CLIC4: variants seen among roughly 807,000 people sequenced by gnomAD.
CLIC4 encodes the protein chloride intracellular channel protein 4.
CLIC4 carries 13 observed loss-of-function variants against 24.6 expected under a neutral mutation model. The observed-to-expected ratio is 0.53, with a 90% CI of 0.34 to 0.84. The LOEUF is 0.84. Among genes scored for constraint, CLIC4 ranks in the 40% least tolerant of loss-of-function variants. The pLI is 0.01. For synonymous variants in CLIC4, 104 were observed against 111.3 expected, an observed-to-expected ratio of 0.93 and a Z score of 0.41; for missense variants, 227 against 301.7, an observed-to-expected ratio of 0.75 and a Z score of 1.83.
At chr1:24,762,047 G>T (rs1466120476) in intron 1 of CLIC4, among the ~76,000 whole-genome samples, 1 of 152,122 alleles carries the variant, frequency 6.6e-6, no homozygotes, top group Admixed American at 6.6e-5. Context: ...AGTCTAGGCA[G>T]GGTAGAGATA....
At chr1:24,745,704 T>G (rs1638679942) in intron 1 of CLIC4, 79 bp downstream of exon 1, 8 of 1,184,664 alleles carry the variant, frequency 6.8e-6, no homozygotes, top group Non-Finnish European at 3.4e-6. Context: ...CCCGGGGCTC[T>G]CCTGAGGCGC....
intron 1 of CLIC4, among the ~76,000 whole-genome samples, chr1:24,770,080 T>TG (rs750164840): frequency 1.3e-5 from 2 of 152,098 alleles, no homozygotes; most frequent in Non-Finnish European, 2.9e-5. Flanking sequence ...AAGATGGTCT[T>TG]GAACTCCTGG....
intron 2 of CLIC4, among the ~76,000 whole-genome samples, chr1:24,810,050 G>C (rs1334004377): frequency 6.6e-6 from 1 of 152,024 alleles, no homozygotes; most frequent in Non-Finnish European, 1.5e-5. Context: ...CCTTTTTTCT[G>C]ATTTTCTTTG....
At chr1:24,776,120 A>G (rs1639138200) in intron 1 of CLIC4, among the ~76,000 whole-genome samples, 1 of 152,212 alleles carries the variant, frequency 6.6e-6, no homozygotes, top group Non-Finnish European at 1.5e-5. Context: ...TTCACGGATC[A>G]GCGAGAGATT....
chr1:24,826,318 A>G (rs1639786642), intron 3 of CLIC4, among the ~76,000 whole-genome samples: 2 of 152,180 alleles, frequency 1.3e-5, no homozygotes, highest in Non-Finnish European at 2.9e-5. Flanking sequence ...TCCCAGGTGT[A>G]GGTTTCAAGC....
At chr1:24,812,339 C>A (rs895682305) in intron 2 of CLIC4, among the ~76,000 whole-genome samples, 4 of 151,992 alleles carry the variant, frequency 2.6e-5, no homozygotes, top group Admixed American at 1.3e-4. Flanking sequence ...CAAGCCTGGA[C>A]TTCTAGAATA....
intron 1 of CLIC4, among the ~76,000 whole-genome samples, chr1:24,795,365 A>G (rs910428556): frequency 1.3e-5 from 2 of 152,028 alleles, no homozygotes; most frequent in Non-Finnish European, 2.9e-5. Flanking sequence ...AATGTGTACA[A>G]CAGGATATGG....
chr1:24,746,966 C>T (rs1638707389), intron 1 of CLIC4, among the ~76,000 whole-genome samples: 1 of 152,090 alleles, frequency 6.6e-6, no homozygotes, highest in East Asian at 1.9e-4. Context: ...CCAGCCTGGG[C>T]GACAGAGCAA....
intron 1 of CLIC4, among the ~76,000 whole-genome samples, chr1:24,773,998 AG>A (rs1210159306): frequency 6.6e-6 from 1 of 151,944 alleles, no homozygotes; most frequent in Non-Finnish European, 1.5e-5. Flanking sequence ...GTATAAATGG[AG>A]TCTCCCTCTG....
At chr1:24,748,499 GT>G (rs869153638) in intron 1 of CLIC4, among the ~76,000 whole-genome samples, 2,133 of 80,574 alleles carry the variant, frequency 0.026, 63 homozygotes, top group African/African-American at 0.097. Flanking sequence ...CAGGTTTTTT[GT>G]TTTTTTTTTT....
chr1:24,761,691 G>A (rs948118280), intron 1 of CLIC4, among the ~76,000 whole-genome samples: 1 of 152,166 alleles, frequency 6.6e-6, no homozygotes, highest in Non-Finnish European at 1.5e-5. Context: ...TGTGGAAAAT[G>A]AATTTAAGGG....
intron 1 of CLIC4, among the ~76,000 whole-genome samples, chr1:24,770,048 A>G (rs1639052405): frequency 6.6e-6 from 1 of 151,702 alleles, no homozygotes; most frequent in African/African-American, 2.4e-5. Context: ...TTTTGTGGAG[A>G]TGAGGTCTCA....
chr1:24,781,714 C>T (rs1303689408), intron 1 of CLIC4, among the ~76,000 whole-genome samples: 7 of 150,816 alleles, frequency 4.6e-5, no homozygotes, highest in Admixed American at 2.6e-4. Flanking sequence ...GTTGCACAGG[C>T]TGGAGTGCAG....
chr1:24,757,086 G>A lies in CLIC4; in HGVS notation c.72+11461G>A, dbSNP rs566912568. 3.3e-5 allele frequency among the ~76,000 whole-genome samples: 5 copies of A among 152,076 alleles called. No individual in the cohort carries two copies. The South Asian group carries it at 1.0e-3, about 32-fold the overall frequency. ...AATTTTGTATTTTTAGTAGAGATGG[G>A]GTTTCTCCATGTTGGTCAAGCTAGT... On this transcript the variant is annotated intron_variant, in intron 1 of 5. Transcript: ENST00000374379.
intron 1 of CLIC4, among the ~76,000 whole-genome samples, chr1:24,795,356 A>C (rs1337460805): frequency 2.0e-5 from 3 of 152,102 alleles, no homozygotes; most frequent in African/African-American, 7.2e-5. Context: ...CTCTGAAGGA[A>C]TGTGTACAAC....
At position 24,827,157 on chromosome 1, in the gene CLIC4, C is replaced by T. The variant is rs183272052; in HGVS notation, c.415+41C>T. On this transcript the variant is annotated intron_variant, in intron 4 of 5. Coordinates refer to ENST00000374379, the MANE Select transcript of CLIC4 (RefSeq NM_013943.3). Reference sequence around the variant, plus strand: ...TTGAATTAACATTGCAACAAAAAACCCCAAACAACAACAGGCTGTTATTAT... The same window carrying T: ...TTGAATTAACATTGCAACAAAAAACTCCAAACAACAACAGGCTGTTATTAT... 7.5e-5 allele frequency: 94 copies of T among 1,251,210 alleles called. No individual in the cohort carries two copies. In the East Asian group the frequency reaches 2.0e-3, roughly 27 times the overall value. The allele number at this position is 1,251,210 out of a possible 1,614,324, so 77.5% of individuals were successfully genotyped here.
At chr1:24,789,467 G>A (rs1180627137) in intron 1 of CLIC4, among the ~76,000 whole-genome samples, 2 of 152,184 alleles carry the variant, frequency 1.3e-5, no homozygotes, top group Admixed American at 1.3e-4. Flanking sequence ...GCAGTGAGCC[G>A]TGATCGCGCC....
Position 24,826,994 on chromosome 1 carries a change from C to A in CLIC4, c.309-16C>A. ...TCTTTGAAGGATCTATAATCCATAT[C>A]ACTTTTTCTATTTAGGTACTTAAAG... On this transcript the variant is annotated splice_polypyrimidine_tract_variant and intron_variant, in intron 3 of 5. Transcript: ENST00000374379. The A allele has an allele frequency of 6.5e-7, 1 of 1,550,024 alleles. No individual in the cohort carries two copies. Among genetic ancestry groups the A allele is most frequent in the Non-Finnish European group, 8.8e-7 (1 of 1,133,562 alleles).
rs115965252 is a variant in CLIC4, at chr1:24,811,821, T to G, written c.183-2273T>G. Among the ~76,000 whole-genome samples, 913 of 152,270 alleles carry G rather than the reference T, an allele frequency of 6.0e-3. 7 individuals are homozygous for G. The highest frequency in any genetic ancestry group is 0.021 in the African/African-American group (855 of 41,560). On this transcript the variant is annotated intron_variant, in intron 2 of 5. Transcript: ENST00000374379. Reference sequence around the variant, plus strand: ...TTAGATTCAGGGTCAACTTCTTTGGTAAGAATACTTCATGGTGCCATAGGA... The same window carrying G: ...TTAGATTCAGGGTCAACTTCTTTGGGAAGAATACTTCATGGTGCCATAGGA...
Sources: gnomAD v4.1 joint callset for allele counts (sites outside exome capture counted in the v4.1 genomes callset) on GRCh38, gnomAD v4.1.1 for gene constraint, MANE v1.5 for transcripts, NCBI Gene and HGNC (gene_info 2026-07-23, HGNC 2026-07-21) for gene names.